Variants in PIP5K1B observed in about 807,000 individuals in gnomAD.
PIP5K1B encodes phosphatidylinositol-4-phosphate 5-kinase type 1 beta.
PIP5K1B carries 42 observed loss-of-function variants against 67.0 expected under a neutral mutation model. The observed-to-expected ratio is 0.63, with a 90% confidence interval of 0.49 to 0.81. PIP5K1B has a LOEUF of 0.81. PIP5K1B is among the 30% of genes least tolerant of loss of function. The probability of loss-of-function intolerance (pLI) is 0.00; values close to 1 mark genes in which losing one functional copy is unlikely to be tolerated. For missense variants in PIP5K1B, 459 were observed against 646.3 expected (o/e 0.71, Z 3.14); for synonymous variants, 214 against 231.4 (o/e 0.92, Z 0.68).
chr9:68,866,518 A>C (rs181469169), intron 5 of PIP5K1B, among the ~76,000 whole-genome samples: 19 of 152,344 alleles, frequency 1.2e-4, no homozygotes, highest in African/African-American at 4.6e-4. Context: ...TATTTAAAAT[A>C]GATGCATGAA....
chr9:68,833,616 A>C (rs1834440845), intron 4 of PIP5K1B, among the ~76,000 whole-genome samples: 1 of 151,780 alleles, frequency 6.6e-6, no homozygotes, highest in African/African-American at 2.4e-5. Context: ...AATAGTGCTA[A>C]GTTGAGAAGC....
intron 2 of PIP5K1B, among the ~76,000 whole-genome samples, chr9:68,748,613 C>CTTTTTTTTTTTTTTTTTTTTTTTTT (rs58954806): frequency 1.0e-5 from 1 of 98,300 alleles, no homozygotes; most frequent in Non-Finnish European, 2.0e-5. Context: ...GATTTCTTTT[C>CTTTTTTTTTTTTTTTTTTTTTTTTT]TTTTTTTTTT....
At chr9:68,963,639 T>A (rs1417479062) in intron 14 of PIP5K1B, among the ~76,000 whole-genome samples, 1 of 152,192 alleles carries the variant, frequency 6.6e-6, no homozygotes, top group Non-Finnish European at 1.5e-5. Flanking sequence ...TCCCTGCCAA[T>A]GATAATTTGC....
chr9:68,884,966 C>A (rs1824394473), intron 6 of PIP5K1B, among the ~76,000 whole-genome samples: 1 of 152,182 alleles, frequency 6.6e-6, no homozygotes, highest in Admixed American at 6.5e-5. Context: ...GGGTATCTAT[C>A]CAAAGCAACG....
intron 14 of PIP5K1B, among the ~76,000 whole-genome samples, chr9:68,978,947 T>G (rs1212237168): frequency 6.6e-6 from 1 of 152,222 alleles, no homozygotes; most frequent in Non-Finnish European, 1.5e-5. Context: ...CATCTCAAAT[T>G]AATTTCTGTA....
chr9:68,773,401 G>A (rs115692912), intron 2 of PIP5K1B, among the ~76,000 whole-genome samples: 157 of 152,324 alleles, frequency 1.0e-3, no homozygotes, highest in African/African-American at 3.7e-3. Flanking sequence ...AGGTTCCACT[G>A]AGGAACAAGG....
At chr9:68,900,317 T>A (rs573831677) in intron 8 of PIP5K1B, among the ~76,000 whole-genome samples, 1 of 152,334 alleles carries the variant, frequency 6.6e-6, no homozygotes, top group Non-Finnish European at 1.5e-5. Context: ...TCTTTACACC[T>A]CTCTGCAGCT....
At chr9:68,826,240 A>C (rs1044308794) in intron 4 of PIP5K1B, among the ~76,000 whole-genome samples, 3 of 152,188 alleles carry the variant, frequency 2.0e-5, no homozygotes, top group Admixed American at 6.5e-5. Context: ...TGCTTTCCGC[A>C]AGAGTTGTAA....
chr9:68,853,203 G>A (rs1587558584), intron 4 of PIP5K1B, among the ~76,000 whole-genome samples: 2 of 152,132 alleles, frequency 1.3e-5, no homozygotes, highest in East Asian at 3.9e-4. Flanking sequence ...CGGGACCTGT[G>A]AATCAGTCCC....
intron 2 of PIP5K1B, among the ~76,000 whole-genome samples, chr9:68,774,071 T>C (rs1830793576): frequency 6.6e-6 from 1 of 152,048 alleles, no homozygotes; most frequent in Non-Finnish European, 1.5e-5. Context: ...CGACTTTGCT[T>C]GAACAAAATA....
chr9:68,917,851 A>G, intron 9 of PIP5K1B, 92 bp downstream of exon 9: 1 of 897,922 alleles, frequency 1.1e-6, no homozygotes, highest in Non-Finnish European at 1.8e-6. Context: ...TTAGGGTGGG[A>G]CTCTAGGAAT....
At chr9:69,004,337 TTGTGTGTGTGTG>T (rs56680798) in intron 15 of PIP5K1B, among the ~76,000 whole-genome samples, 4 of 148,266 alleles carry the variant, frequency 2.7e-5, no homozygotes, top group African/African-American at 7.5e-5. Flanking sequence ...GTGTGTGTTT[TTGTGTGTGTGTG>T]TGTGTGTGTG....
At chr9:68,868,393 A>G (rs182335744) in intron 5 of PIP5K1B, among the ~76,000 whole-genome samples, 106 of 152,344 alleles carry the variant, frequency 7.0e-4, no homozygotes, top group African/African-American at 2.5e-3. Flanking sequence ...AACATATATT[A>G]ATTTTTATTA....
chr9:68,711,932 C>T (rs538845393), intron 1 of PIP5K1B, among the ~76,000 whole-genome samples: 45 of 152,294 alleles, frequency 3.0e-4, no homozygotes, highest in African/African-American at 8.7e-4. Context: ...CTCCTCCTGG[C>T]GACTTTTCTG....
intron 14 of PIP5K1B, among the ~76,000 whole-genome samples, chr9:68,968,211 A>G (rs1829141068): frequency 6.6e-6 from 1 of 152,174 alleles, no homozygotes; most frequent in Non-Finnish European, 1.5e-5. Context: ...TCAAGGATCA[A>G]ACTAGCTATT....
intron 15 of PIP5K1B, among the ~76,000 whole-genome samples, chr9:68,994,037 A>ATTTTTT (rs67700788): frequency 1.3e-4 from 15 of 118,584 alleles, no homozygotes; most frequent in East Asian, 2.6e-4. Flanking sequence ...TTTTTCCTGA[A>ATTTTTT]TTTTTTTTTT....
intron 2 of PIP5K1B, among the ~76,000 whole-genome samples, chr9:68,760,194 C>G (rs1370368161): frequency 6.6e-6 from 1 of 152,108 alleles, no homozygotes; most frequent in Admixed American, 6.6e-5. Context: ...GAGCACAGCT[C>G]TCTTTTGGAA....
intron 4 of PIP5K1B, among the ~76,000 whole-genome samples, chr9:68,854,057 C>G (rs1032524445): frequency 7.0e-6 from 1 of 143,636 alleles, no homozygotes; most frequent in Non-Finnish European, 1.5e-5. Flanking sequence ...TATTATTAAG[C>G]TGGACTGTAC....
chr9:68,784,980 G>A (rs1831529987), intron 2 of PIP5K1B, among the ~76,000 whole-genome samples: 1 of 152,134 alleles, frequency 6.6e-6, no homozygotes, highest in South Asian at 2.1e-4. Flanking sequence ...ATAGGGACAG[G>A]AGATCATTTG....
Sources: allele counts gnomAD v4.1 joint callset (sites outside exome capture counted in the v4.1 genomes callset), GRCh38; gene constraint gnomAD v4.1.1; transcripts MANE v1.5; gene names NCBI Gene and HGNC (gene_info 2026-07-23, HGNC 2026-07-21).